Variants in LRBA observed in about 807,000 individuals in gnomAD.
LRBA encodes LPS responsive beige-like anchor protein, also known as lipopolysaccharide-responsive and beige-like anchor protein.
A neutral mutation model predicts 330.0 loss-of-function variants in LRBA; 176 were observed. That is an observed-to-expected ratio of 0.53 (90% confidence interval 0.47 to 0.60). LRBA has a LOEUF of 0.60. LRBA is among the 20% of genes least tolerant of loss of function. The probability of loss-of-function intolerance (pLI) is 0.00; values close to 1 mark genes in which losing one functional copy is unlikely to be tolerated. For missense variants in LRBA, 3,259 were observed against 3,444.8 expected (o/e 0.95, Z 1.35); for synonymous variants, 1,230 against 1,193.0 (o/e 1.03, Z -0.64).
intron 48 of LRBA, among the ~76,000 whole-genome samples, chr4:150,341,918 C>T (rs542854068): frequency 6.6e-6 from 1 of 151,298 alleles, no homozygotes; most frequent in Non-Finnish European, 1.5e-5. Flanking sequence ...TAGAATTGTT[C>T]TAGAAACCAT....
chr4:150,999,179 A>G (rs1232765613), intron 2 of LRBA, among the ~76,000 whole-genome samples: 1 of 152,234 alleles, frequency 6.6e-6, no homozygotes, highest in Non-Finnish European at 1.5e-5. Context: ...CTGAACTTCC[A>G]TTACAACTGC....
intron 44 of LRBA, among the ~76,000 whole-genome samples, chr4:150,437,214 G>A (rs1751234246): frequency 6.6e-6 from 1 of 151,946 alleles, no homozygotes. Context: ...ACCACATTTA[G>A]TTAATTAGAA....
At chr4:150,501,396 G>A (rs1415313716) in intron 40 of LRBA, among the ~76,000 whole-genome samples, 1 of 152,122 alleles carries the variant, frequency 6.6e-6, no homozygotes, top group Non-Finnish European at 1.5e-5. Context: ...AGAATCACTT[G>A]AGCTCAGGAG....
intron 40 of LRBA, chr4:150,581,656 A>G (rs996859811): frequency 6.4e-6 from 1 of 156,070 alleles, no homozygotes; most frequent in Non-Finnish European, 1.4e-5. Flanking sequence ...TTTGCTACTG[A>G]TAAGAGAGGA....
At chr4:150,336,165 T>C (rs1400840266) in intron 48 of LRBA, among the ~76,000 whole-genome samples, 1 of 152,224 alleles carries the variant, frequency 6.6e-6, no homozygotes, top group East Asian at 1.9e-4. Flanking sequence ...ACCACCCAGG[T>C]ATTAAGCCCC....
chr4:150,731,133 AG>A (rs1461178612), intron 36 of LRBA, among the ~76,000 whole-genome samples: 2 of 152,336 alleles, frequency 1.3e-5, no homozygotes, highest in East Asian at 3.9e-4. Context: ...TCCAAAAGTC[AG>A]GTAATAACAA....
chr4:150,554,132 T>C (rs868121862), intron 40 of LRBA, among the ~76,000 whole-genome samples: 1 of 152,170 alleles, frequency 6.6e-6, no homozygotes, highest in African/African-American at 2.4e-5. Context: ...TGGAAATCAT[T>C]CTTATCTCAG....
intron 20 of LRBA, 123 bp from the exon 21 acceptor site, chr4:150,868,428 T>C (rs1692377692): frequency 5.9e-6 from 3 of 511,042 alleles, no homozygotes; most frequent in Non-Finnish European, 9.8e-6. Context: ...AACATCCTCT[T>C]CTGTTATTAA....
chr4:150,370,952 T>C (rs1001700738), intron 47 of LRBA, among the ~76,000 whole-genome samples: 1 of 152,148 alleles, frequency 6.6e-6, no homozygotes. Context: ...GGGTTTCAAT[T>C]GCTACTTTCT....
In LRBA at chr4:150,411,011, T is replaced by C. The variant is rs542057136; in HGVS notation, c.7194+4427A>G. Reference sequence around the variant, plus strand: ...GAAAGTATGAAAGCCTTTTTCTCATTTATATTTCTGATGCTGTATCTGAAA... The same window carrying C: ...GAAAGTATGAAAGCCTTTTTCTCATCTATATTTCTGATGCTGTATCTGAAA... On this transcript the variant is annotated intron_variant, in intron 47 of 56. Coordinates refer to ENST00000651943, the MANE Select transcript of LRBA (RefSeq NM_001364905.1). 3.3e-5 allele frequency among the ~76,000 whole-genome samples: 5 copies of C among 152,316 alleles called. No homozygotes were observed. The South Asian group carries it at 1.0e-3, about 32-fold the overall frequency.
At chr4:150,506,831 A>T (rs1260557981) in intron 40 of LRBA, among the ~76,000 whole-genome samples, 1 of 152,196 alleles carries the variant, frequency 6.6e-6, no homozygotes, top group Non-Finnish European at 1.5e-5. Context: ...AGAAAACCCC[A>T]TTGTCTCAGG....
chr4:150,913,935 A>G (rs1033247973), intron 9 of LRBA, among the ~76,000 whole-genome samples: 1 of 152,214 alleles, frequency 6.6e-6, no homozygotes, highest in Admixed American at 6.5e-5. Context: ...TAATACAGTC[A>G]TGCAACGTGA....
At chr4:150,453,043 A>G (rs567335666) in intron 44 of LRBA, among the ~76,000 whole-genome samples, 1 of 152,310 alleles carries the variant, frequency 6.6e-6, no homozygotes, top group South Asian at 2.1e-4. Flanking sequence ...AGAGAAACTA[A>G]AAAAGGACTA....
intron 47 of LRBA, among the ~76,000 whole-genome samples, chr4:150,354,422 T>C (rs1353656926): frequency 1.3e-5 from 2 of 152,128 alleles, no homozygotes; most frequent in African/African-American, 4.8e-5. Flanking sequence ...ATTCTTCCCA[T>C]GCTGCTCTCA....
chr4:150,598,505 CT>C (rs1298148309), intron 38 of LRBA, among the ~76,000 whole-genome samples: 1 of 152,134 alleles, frequency 6.6e-6, no homozygotes, highest in African/African-American at 2.4e-5. Flanking sequence ...CATGAGCCAT[CT>C]ATCATAACCA....
chr4:150,987,860 G>C (rs1741634311), intron 2 of LRBA, among the ~76,000 whole-genome samples: 1 of 151,846 alleles, frequency 6.6e-6, no homozygotes, highest in Non-Finnish European at 1.5e-5. Flanking sequence ...AAAATTGCCG[G>C]GTGTCCTGGT....
In LRBA at chr4:150,583,890, A is replaced by G. The variant is rs1367041488; in HGVS notation, c.6330+4158T>C. 6.2e-7 allele frequency: 1 copy of G among 1,613,542 alleles called. No homozygotes were observed. Among genetic ancestry groups the G allele is most frequent in the African/African-American group, 1.3e-5 (1 of 75,040 alleles). ...TGTACGAGTGCGAGAAACACCCACG[A>G]GAAACGGACTGGGACGAGTCGTGCC... On this transcript the variant is annotated intron_variant, in intron 40 of 56. Transcript: ENST00000651943. This position sits in a 1 kb window ranked among gnomAD's most constrained non-coding sequence, Gnocchi z 9.8.
intron 47 of LRBA, among the ~76,000 whole-genome samples, chr4:150,381,126 A>G (rs1742203893): frequency 6.6e-6 from 1 of 152,138 alleles, no homozygotes; most frequent in African/African-American, 2.4e-5. Context: ...AAAACTACTG[A>G]ATTTTTTAAA....
chr4:150,582,038 G>C (rs943691470), intron 40 of LRBA: 4 of 148,994 alleles, frequency 2.7e-5, no homozygotes, highest in African/African-American at 5.0e-5. Context: ...GGAGAGCGGG[G>C]CGAGAAAGAG....
Sources: gnomAD v4.1 joint callset for allele counts (sites outside exome capture counted in the v4.1 genomes callset) on GRCh38, gnomAD v4.1.1 for gene constraint, Gnocchi (gnomAD v3.1) non-coding constraint, MANE v1.5 for transcripts, NCBI Gene and HGNC (gene_info 2026-07-23, HGNC 2026-07-21) for gene names.